The following DOCK8 variants were observed in gnomAD, a reference collection of about 807,000 sequenced individuals.
DOCK8 encodes the protein dedicator of cytokinesis 8, also known as dedicator of cytokinesis protein 8.
A neutral mutation model predicts 245.6 loss-of-function variants in DOCK8; 141 were observed. The observed-to-expected ratio is 0.57, with a 90% CI of 0.50 to 0.66. The LOEUF is 0.66. DOCK8 is among the 30% of genes least tolerant of loss of function. The pLI is 0.00. For synonymous variants in DOCK8, 1,168 were observed against 970.2 expected, an observed-to-expected ratio of 1.20 and a Z score of -3.79; for missense variants, 2,965 against 2,603.4, an observed-to-expected ratio of 1.14 and a Z score of -3.02.
chr9:400,859 T>TCCTTCACCATCACCATCACCACCA (rs1564015901), intron 26 of DOCK8, among the ~76,000 whole-genome samples: 4 of 17,650 alleles, frequency 2.3e-4, no homozygotes, highest in Non-Finnish European at 3.5e-4. Context: ...CATCACCACC[T>TCCTTCACCATCACCATCACCACCA]CCTCCACCAT....
intron 1 of DOCK8, among the ~76,000 whole-genome samples, chr9:250,691 A>T (rs1022094457): frequency 6.6e-6 from 1 of 152,234 alleles, no homozygotes; most frequent in African/African-American, 2.4e-5. Flanking sequence ...GAAACTGAGG[A>T]TGATCAAATA....
chr9:215,672 T>G, intron 1 of DOCK8: 1 of 375,616 alleles, frequency 2.7e-6, no homozygotes. Context: ...CATTTTGAGA[T>G]TTACAGAACT....
At chr9:292,700 CT>C (rs2049097827) in intron 4 of DOCK8, among the ~76,000 whole-genome samples, 1 of 152,062 alleles carries the variant, frequency 6.6e-6, no homozygotes, top group African/African-American at 2.4e-5. Flanking sequence ...TTAAAAATGT[CT>C]TCCCCAGTAT....
At chr9:379,602 G>A (rs2053656858) in intron 20 of DOCK8, among the ~76,000 whole-genome samples, 169 bp from the exon 21 acceptor site, 1 of 152,082 alleles carries the variant, frequency 6.6e-6, no homozygotes, top group Non-Finnish European at 1.5e-5. Flanking sequence ...GGAGGCATCT[G>A]TGGTACTCAG....
At chr9:218,304 C>G (rs2046808115) in intron 1 of DOCK8, among the ~76,000 whole-genome samples, 1 of 152,142 alleles carries the variant, frequency 6.6e-6, no homozygotes, top group Non-Finnish European at 1.5e-5. Context: ...GTATTCAAAT[C>G]TGATATATTA....
At chr9:307,365 T>TTTTTTTTTTTTTTTTTTTG in intron 5 of DOCK8, among the ~76,000 whole-genome samples, 1 of 114,876 alleles carries the variant, frequency 8.7e-6, no homozygotes, top group Non-Finnish European at 1.8e-5. Flanking sequence ...TTTTTTTTTT[T>TTTTTTTTTTTTTTTTTTTG]TTTTTTTTTT....
At chr9:284,983 C>G (rs1388824307) in intron 2 of DOCK8, among the ~76,000 whole-genome samples, 9 of 152,122 alleles carry the variant, frequency 5.9e-5, no homozygotes, top group Non-Finnish European at 8.8e-5. Flanking sequence ...GAAAAGATAA[C>G]TATGTGGTCC....
intron 14 of DOCK8, among the ~76,000 whole-genome samples, chr9:367,495 C>A (rs540290535): frequency 2.0e-4 from 29 of 148,208 alleles, no homozygotes; most frequent in Middle Eastern, 3.4e-3. Context: ...ATATATTATT[C>A]TTATTGTTGT....
Position 214,984 on chromosome 9 carries a change from C to G in DOCK8, c.8C>G (p.Thr3Ser), listed in dbSNP as rs199739266. Residue 3 changes from threonine to serine, a missense_variant, in exon 1 of 48, where the codon ACT becomes AGT. Transcript: ENST00000432829. MA[T>S]LPSAERRAFA... ...CCGAACCGCCGGCGGGCCATGGCCA[C>G]TCTGCCGAGCGCAGAGCGCCGCGCG... 2.1e-4 allele frequency: 341 copies of G among 1,600,412 alleles called. 2 individuals carry two copies. The highest frequency in any genetic ancestry group is 4.2e-6 in the Non-Finnish European group (5 of 1,176,522).
At chr9:270,876 A>G (rs1038867466) in intron 1 of DOCK8, among the ~76,000 whole-genome samples, 2 of 152,252 alleles carry the variant, frequency 1.3e-5, no homozygotes, top group African/African-American at 4.8e-5. Context: ...TGATGTAATG[A>G]GAAAACGTGC....
At chr9:276,045 C>G (rs1488415884) in intron 2 of DOCK8, among the ~76,000 whole-genome samples, 3 of 151,922 alleles carry the variant, frequency 2.0e-5, no homozygotes, top group Non-Finnish European at 4.4e-5. Context: ...CAGCTGCCGC[C>G]ATGTCTGGCT....
rs2053672440 is a variant in DOCK8, at chr9:379,918, G to A, written c.2588G>A (p.Arg863Lys). 1 of 1,613,904 alleles carries A rather than the reference G, an allele frequency of 6.2e-7. No homozygotes were observed. Among genetic ancestry groups the A allele is most frequent in the African/African-American group, 1.3e-5 (1 of 74,946 alleles). ...GTCTTCCGCCTGCCAGAGGTGCAAA[G>A]GGATGTGCCCAAGTCAGGTAGAGTT... Reference protein sequence around the residue: ...HYVFRLPEVQRDVPKSGAPTA... With the variant: ...HYVFRLPEVQKDVPKSGAPTA... The change falls in exon 21 of 48, where the codon AGG (arginine) becomes AAG (lysine). Residue 863 changes from arginine (R) to lysine (K), a missense_variant. Around this residue, in one of 3 missense-constraint regions of DOCK8, gnomAD observed 2,825 missense variants for 2,453.5 expected, o/e 1.15. Coordinates refer to ENST00000432829, the MANE Select transcript of DOCK8 (RefSeq NM_203447.4).
chr9:354,538 T>C (rs2052332915), intron 14 of DOCK8, among the ~76,000 whole-genome samples: 1 of 152,218 alleles, frequency 6.6e-6, no homozygotes, highest in Non-Finnish European at 1.5e-5. Context: ...CACAAGTTTA[T>C]GTAGGTTACG....
At chr9:312,218 C>A in intron 6 of DOCK8, 52 bp downstream of exon 6, 1 of 1,588,200 alleles carries the variant, frequency 6.3e-7, no homozygotes, top group South Asian at 1.1e-5. Flanking sequence ...CTCTGAGAGT[C>A]ATGTGGACAA....
chr9:386,171 T>C (rs542956336), intron 22 of DOCK8, among the ~76,000 whole-genome samples, 160 bp from the exon 23 acceptor site: 1 of 152,356 alleles, frequency 6.6e-6, no homozygotes, highest in Admixed American at 6.5e-5. Flanking sequence ...AACTTCACTG[T>C]CTTTGCTTTG....
At chr9:300,757 A>T (rs2049506311) in intron 4 of DOCK8, among the ~76,000 whole-genome samples, 1 of 152,226 alleles carries the variant, frequency 6.6e-6, no homozygotes, top group Non-Finnish European at 1.5e-5. Context: ...AGAAATGGAT[A>T]GATTCCTGGA....
At chr9:414,740 T>G in intron 28 of DOCK8, 42 bp from the exon 29 acceptor site, 1 of 1,613,800 alleles carries the variant, frequency 6.2e-7, no homozygotes, top group Non-Finnish European at 8.5e-7. Flanking sequence ...TTAGTCAATT[T>G]CCTTTCACCA....
chr9:314,926 T>A (rs1030621685), intron 6 of DOCK8, among the ~76,000 whole-genome samples: 3 of 152,182 alleles, frequency 2.0e-5, no homozygotes, highest in Non-Finnish European at 4.4e-5. Flanking sequence ...ACCACCAAGC[T>A]TCTATAAGGC....
intron 7 of DOCK8, 111 bp from the exon 8 acceptor site, chr9:325,560 A>T (rs1412454407): frequency 1.1e-6 from 1 of 891,426 alleles, no homozygotes; most frequent in East Asian, 2.4e-5. Flanking sequence ...TTTTCCAAAT[A>T]TTTCGGGAAA....
Sources: gnomAD v4.1 joint callset for allele counts (sites outside exome capture counted in the v4.1 genomes callset) on GRCh38, gnomAD v4.1.1 for gene constraint, gnomAD v4.1.1 regional missense constraint, MANE v1.5 for transcripts, NCBI Gene and HGNC (gene_info 2026-07-23, HGNC 2026-07-21) for gene names.